The following UBE2E2 variants were observed in gnomAD, a reference collection of about 807,000 sequenced individuals.
UBE2E2 encodes the protein ubiquitin-conjugating enzyme E2 E2.
Under a neutral mutation model 24.7 loss-of-function variants are expected in UBE2E2, and 6 were observed. That is an observed-to-expected ratio of 0.24 (90% CI 0.13 to 0.48). The LOEUF (loss-of-function observed/expected upper bound fraction) is 0.48. UBE2E2 is among the 20% of genes least tolerant of loss of function. The probability of loss-of-function intolerance (pLI) is 0.99; values close to 1 mark genes in which losing one functional copy is unlikely to be tolerated. For missense variants in UBE2E2, 169 were observed against 245.0 expected (o/e 0.69, Z 2.07); for synonymous variants, 104 against 83.6 (o/e 1.24, Z -1.33).
chr3:23,499,180 G>A (rs1379739942), intron 3 of UBE2E2, among the ~76,000 whole-genome samples: 4 of 152,234 alleles, frequency 2.6e-5, no homozygotes, highest in African/African-American at 7.2e-5. Flanking sequence ...TGATATTTGA[G>A]CAGAGACTTT....
chr3:23,263,987 CTAATAA>C (rs1449419512), intron 3 of UBE2E2, among the ~76,000 whole-genome samples: 1 of 152,108 alleles, frequency 6.6e-6, no homozygotes, highest in Non-Finnish European at 1.5e-5. Flanking sequence ...TCCGTGGTGA[CTAATAA>C]TAATAACAGT....
intron 3 of UBE2E2, among the ~76,000 whole-genome samples, chr3:23,323,075 A>G (rs890197141): frequency 1.3e-5 from 2 of 152,050 alleles, no homozygotes. Context: ...TGAATTAGGA[A>G]TTATCTAGAT....
At chr3:23,566,604 G>A (rs1696079600) in intron 5 of UBE2E2, among the ~76,000 whole-genome samples, 1 of 152,174 alleles carries the variant, frequency 6.6e-6, no homozygotes, top group South Asian at 2.1e-4. Flanking sequence ...CCAATCAATG[G>A]TGGAGAGTGA....
chr3:23,493,766 AT>A (rs199826829), intron 3 of UBE2E2, among the ~76,000 whole-genome samples: 7 of 151,182 alleles, frequency 4.6e-5, no homozygotes, highest in Admixed American at 6.6e-5. Flanking sequence ...CAGAATCATT[AT>A]TTTTTTTTGA....
intron 3 of UBE2E2, among the ~76,000 whole-genome samples, chr3:23,393,969 G>T (rs1697013178): frequency 6.6e-6 from 1 of 152,260 alleles, no homozygotes; most frequent in African/African-American, 2.4e-5. Context: ...ATTCTATCTA[G>T]CCCTTTATAG....
chr3:23,272,477 T>A (rs1023969981), intron 3 of UBE2E2, among the ~76,000 whole-genome samples: 2 of 152,140 alleles, frequency 1.3e-5, no homozygotes, highest in Non-Finnish European at 2.9e-5. Context: ...ACTGATGGGC[T>A]CCTCAAGGGT....
In UBE2E2 at chr3:23,590,029, T is replaced by C; in HGVS notation, c.*198T>C. On this transcript the variant is annotated 3_prime_UTR_variant, in exon 6 of 6. Transcript: ENST00000396703. The stretch of plus-strand genomic sequence containing the variant: ...TTCCTCTCTCCCACGCTCTCTTTTA[T>C]CTCTCATTTTATTCCCTTGTTGATT... 2.0e-6 allele frequency: 1 copy of C among 507,080 alleles called. No homozygotes were observed. 31.4% of individuals were successfully genotyped at this position (507,080 alleles called of 1,614,324 possible).
intron 5 of UBE2E2, among the ~76,000 whole-genome samples, chr3:23,581,459 C>T (rs928781186): frequency 1.3e-5 from 2 of 152,116 alleles, no homozygotes; most frequent in African/African-American, 4.8e-5. Context: ...GGTATATATT[C>T]TTAAAAGATG....
intron 3 of UBE2E2, among the ~76,000 whole-genome samples, chr3:23,318,914 ATAAAT>A (rs1447895082): frequency 1.3e-5 from 2 of 152,370 alleles, no homozygotes; most frequent in African/African-American, 4.8e-5. Flanking sequence ...ACATTGTCTT[ATAAAT>A]TAATTTCTCT....
chr3:23,276,957 AAC>A (rs869133105), intron 3 of UBE2E2, among the ~76,000 whole-genome samples: 1 of 130,580 alleles, frequency 7.7e-6, no homozygotes. Flanking sequence ...ATTCTTTAAA[AAC>A]AAAAACAAAA....
intron 5 of UBE2E2, among the ~76,000 whole-genome samples, chr3:23,543,015 G>A (rs1026584384): frequency 1.3e-5 from 2 of 152,102 alleles, no homozygotes; most frequent in African/African-American, 4.8e-5. Flanking sequence ...CCTCTAATTG[G>A]TTGGTTTAGA....
At chr3:23,466,330 A>G (rs1036674769) in intron 3 of UBE2E2, among the ~76,000 whole-genome samples, 1 of 152,242 alleles carries the variant, frequency 6.6e-6, no homozygotes, top group Non-Finnish European at 1.5e-5. Flanking sequence ...GTGGCCTGAA[A>G]TACGCATGAT....
intron 3 of UBE2E2, among the ~76,000 whole-genome samples, chr3:23,243,093 A>G (rs572985493): frequency 4.5e-4 from 69 of 151,986 alleles, no homozygotes; most frequent in Admixed American, 1.7e-3. Context: ...TTCAAAAAAA[A>G]AAAAGAAAAG....
chr3:23,436,594 A>G (rs753743174), intron 3 of UBE2E2, among the ~76,000 whole-genome samples: 2 of 151,674 alleles, frequency 1.3e-5, no homozygotes, highest in Non-Finnish European at 2.9e-5. Context: ...TCAAAGCTGC[A>G]GTGAGCTGCG....
intron 4 of UBE2E2, among the ~76,000 whole-genome samples, chr3:23,517,453 G>A (rs970521604): frequency 6.6e-6 from 1 of 152,128 alleles, no homozygotes; most frequent in Non-Finnish European, 1.5e-5. Flanking sequence ...AAACCTAACT[G>A]TTGAAACATC....
intron 5 of UBE2E2, among the ~76,000 whole-genome samples, chr3:23,569,913 G>A (rs1448280921): frequency 6.6e-6 from 1 of 152,136 alleles, no homozygotes; most frequent in African/African-American, 2.4e-5. Flanking sequence ...CTCAAGGGGC[G>A]TTAATTTTGA....
intron 3 of UBE2E2, among the ~76,000 whole-genome samples, chr3:23,482,547 C>T (rs546938744): frequency 2.6e-5 from 4 of 152,164 alleles, no homozygotes; most frequent in East Asian, 3.9e-4. Context: ...GTTCTTGACT[C>T]CCTTTGACCG....
At chr3:23,424,953 T>G (rs1204695853) in intron 3 of UBE2E2, among the ~76,000 whole-genome samples, 1 of 152,206 alleles carries the variant, frequency 6.6e-6, no homozygotes, top group Non-Finnish European at 1.5e-5. Context: ...TTCATCCTTT[T>G]CTACTTTACC....
chr3:23,414,946 T>G (rs1041292719), intron 3 of UBE2E2, among the ~76,000 whole-genome samples: 1 of 152,198 alleles, frequency 6.6e-6, no homozygotes, highest in Non-Finnish European at 1.5e-5. Context: ...GTACCCAGTC[T>G]AAGGTGTAGC....
Sources: allele counts gnomAD v4.1 joint callset (sites outside exome capture counted in the v4.1 genomes callset), GRCh38; gene constraint gnomAD v4.1.1; transcripts MANE v1.5; gene names NCBI Gene and HGNC (gene_info 2026-07-23, HGNC 2026-07-21).